CDYL2: variants seen among roughly 807,000 people sequenced by gnomAD.
CDYL2 encodes chromodomain Y-like protein 2.
A neutral mutation model predicts 49.4 loss-of-function variants in CDYL2; 23 were observed. The ratio of observed to expected loss-of-function variants is 0.47; its 90% CI spans 0.34 to 0.66. The LOEUF is 0.66. Among genes scored for constraint, CDYL2 ranks in the 30% least tolerant of loss-of-function variants. The pLI is 0.01. For synonymous variants in CDYL2, 360 were observed against 268.8 expected (o/e 1.34, Z -3.32); for missense variants, 678 against 656.4 (o/e 1.03, Z -0.36).
intron 1 of CDYL2, among the ~76,000 whole-genome samples, chr16:80,792,430 A>G (rs893437888): frequency 1.3e-5 from 2 of 152,202 alleles, no homozygotes; most frequent in Non-Finnish European, 2.9e-5. Flanking sequence ...TGAAATATTT[A>G]CCTATACATG....
intron 2 of CDYL2, among the ~76,000 whole-genome samples, chr16:80,653,538 T>C (rs1908677107): frequency 6.6e-6 from 1 of 152,200 alleles, no homozygotes; most frequent in Admixed American, 6.5e-5. Context: ...TAATTTCTTA[T>C]TTTTCTTCTT....
chr16:80,764,394 C>G (rs1290484533), intron 1 of CDYL2, among the ~76,000 whole-genome samples: 2 of 152,010 alleles, frequency 1.3e-5, no homozygotes, highest in East Asian at 3.9e-4. Flanking sequence ...GAGGAAGACC[C>G]AAGAGTACAG....
At chr16:80,754,535 G>A (rs182007658) in intron 1 of CDYL2, among the ~76,000 whole-genome samples, 4 of 152,284 alleles carry the variant, frequency 2.6e-5, no homozygotes, top group East Asian at 3.9e-4. Flanking sequence ...GTGGCCTCAC[G>A]TGGTCAAGAG....
chr16:80,665,527 T>C (rs944148668), intron 2 of CDYL2, among the ~76,000 whole-genome samples: 1 of 65,036 alleles, frequency 1.5e-5, no homozygotes, highest in Non-Finnish European at 3.2e-5. Flanking sequence ...AAAAAAAAAA[T>C]AGCAAAAACC....
At chr16:80,787,083 CGAA>C (rs981783951) in intron 1 of CDYL2, among the ~76,000 whole-genome samples, 24 of 151,628 alleles carry the variant, frequency 1.6e-4, no homozygotes, top group Non-Finnish European at 2.5e-4. Context: ...AAAAAAAAGA[CGAA>C]GAAGAAGAAA....
chr16:80,638,458 A>G (rs1907938065), intron 2 of CDYL2, among the ~76,000 whole-genome samples: 1 of 152,198 alleles, frequency 6.6e-6, no homozygotes. Flanking sequence ...CCAGCAAGCT[A>G]TTTTGTAGAT....
intron 1 of CDYL2, among the ~76,000 whole-genome samples, chr16:80,693,359 A>G (rs1910494220): frequency 1.3e-5 from 2 of 152,220 alleles, no homozygotes. Context: ...TTCAAATCAA[A>G]TGAGAAGATG....
At chr16:80,763,130 T>C (rs757058045) in intron 1 of CDYL2, among the ~76,000 whole-genome samples, 2 of 151,688 alleles carry the variant, frequency 1.3e-5, no homozygotes, top group East Asian at 2.0e-4. Context: ...ACTGTGCCAC[T>C]GCACTCCAGC....
intron 3 of CDYL2, among the ~76,000 whole-genome samples, chr16:80,623,917 C>G (rs890534964): frequency 6.6e-6 from 1 of 152,188 alleles, no homozygotes; most frequent in South Asian, 2.1e-4. Flanking sequence ...CAGGGGAAAG[C>G]AGATCCTTCT....
At chr16:80,730,064 A>G in intron 1 of CDYL2, among the ~76,000 whole-genome samples, 1 of 152,146 alleles carries the variant, frequency 6.6e-6, no homozygotes, top group East Asian at 1.9e-4. Flanking sequence ...GAGCAAACAC[A>G]TTCAAAAGCT....
intron 2 of CDYL2, among the ~76,000 whole-genome samples, chr16:80,641,057 G>C (rs989066768): frequency 6.6e-6 from 1 of 152,120 alleles, no homozygotes; most frequent in Non-Finnish European, 1.5e-5. Flanking sequence ...TAATAACAGA[G>C]AACTTCCCAA....
chr16:80,728,003 A>C (rs143646981), intron 1 of CDYL2, among the ~76,000 whole-genome samples: 5,134 of 152,342 alleles, frequency 0.034, 126 homozygotes, highest in Middle Eastern at 0.068. Context: ...GTGGGAAAAA[A>C]ACAGAGCAGA....
At chr16:80,793,967 G>A (rs574756262) in intron 1 of CDYL2, among the ~76,000 whole-genome samples, 3 of 152,134 alleles carry the variant, frequency 2.0e-5, no homozygotes, top group Non-Finnish European at 4.4e-5. Flanking sequence ...TCTTTGATTT[G>A]CTATGAAAGT....
intron 1 of CDYL2, among the ~76,000 whole-genome samples, chr16:80,762,712 G>A (rs971030181): frequency 7.2e-5 from 11 of 152,128 alleles, no homozygotes; most frequent in African/African-American, 2.7e-4. Flanking sequence ...ACAAAGCAGT[G>A]GAAAATTCAT....
chr16:80,704,678 C>T (rs765184445), intron 1 of CDYL2, among the ~76,000 whole-genome samples: 10 of 152,114 alleles, frequency 6.6e-5, no homozygotes, highest in Non-Finnish European at 1.0e-4. Flanking sequence ...ACAGGGCATG[C>T]GGGAGGAGCT....
intron 2 of CDYL2, among the ~76,000 whole-genome samples, chr16:80,653,048 C>T (rs1908652118): frequency 2.0e-5 from 3 of 152,164 alleles, no homozygotes; most frequent in Admixed American, 1.3e-4. Flanking sequence ...TACCGGTTCA[C>T]CAGTTTCAAC....
At chr16:80,644,891 G>A (rs558274734) in intron 2 of CDYL2, among the ~76,000 whole-genome samples, 1 of 152,234 alleles carries the variant, frequency 6.6e-6, no homozygotes, top group East Asian at 1.9e-4. Flanking sequence ...AATGGGGAAA[G>A]GATTCCCCAT....
Position 80,685,133 on chromosome 16 carries a change from C to T in CDYL2, c.25-4G>A, listed in dbSNP as rs766315851. On this transcript the variant is annotated splice_polypyrimidine_tract_variant and splice_region_variant and intron_variant, in intron 1 of 6. Coordinates refer to ENST00000570137, the MANE Select transcript of CDYL2 (RefSeq NM_152342.4). Reference sequence around the variant, plus strand: ...TCTTGTCTACAATCCTTTCAACCTGCGATACAAGATGAGAGGGTCAGAAAA... The same window carrying T: ...TCTTGTCTACAATCCTTTCAACCTGTGATACAAGATGAGAGGGTCAGAAAA... 16 of 1,598,444 alleles carry T rather than the reference C, an allele frequency of 1.0e-5. No homozygotes were observed. In the East Asian group the frequency reaches 1.1e-4, roughly 11 times the overall value.
chr16:80,672,614 AGAAAG>A (rs1909575645), intron 2 of CDYL2, among the ~76,000 whole-genome samples: 1 of 92,028 alleles, frequency 1.1e-5, no homozygotes, highest in African/African-American at 4.4e-5. Flanking sequence ...GGAAAGGAAA[AGAAAG>A]GAAAGGAAAG....
Sources: allele counts gnomAD v4.1 joint callset (sites outside exome capture counted in the v4.1 genomes callset), GRCh38; gene constraint gnomAD v4.1.1; transcripts MANE v1.5; gene names NCBI Gene and HGNC (gene_info 2026-07-23, HGNC 2026-07-21).